ZNF718: variants seen among roughly 807,000 people sequenced by gnomAD.
ZNF718 encodes the protein zinc finger protein 718.
ZNF718 carries 3 observed loss-of-function variants against 2.6 expected under a neutral mutation model. The observed-to-expected ratio is 1.16, with a 90% confidence interval of 0.53 to 3.01. The LOEUF (loss-of-function observed/expected upper bound fraction) is 3.01, where lower values mean the gene tolerates loss of function less well. ZNF718 is among the 30% of genes most tolerant of loss of function. The probability of loss-of-function intolerance (pLI) is 0.03; values close to 1 mark genes in which losing one functional copy is unlikely to be tolerated. For synonymous variants in ZNF718, 135 were observed against 77.9 expected (o/e 1.73, Z -3.86); for missense variants, 468 against 230.0 (o/e 2.03, Z -6.69).
intron 3 of ZNF718, among the ~76,000 whole-genome samples, chr4:173,205 G>A (rs1218251356): frequency 5.3e-5 from 8 of 150,668 alleles, no homozygotes; most frequent in African/African-American, 1.2e-4. Context: ...CAGCAACTCC[G>A]TACTTACAGC....
chr4:128,967 A>G (rs1715295900), intron 1 of ZNF718, among the ~76,000 whole-genome samples: 1 of 104,996 alleles, frequency 9.5e-6, no homozygotes, highest in Non-Finnish European at 2.1e-5. Context: ...AGTCTAGAGC[A>G]CATGAATAAA....
chr4:179,057 C>A (rs1717405082), intron 3 of ZNF718, among the ~76,000 whole-genome samples: 1 of 152,080 alleles, frequency 6.6e-6, no homozygotes, highest in Non-Finnish European at 1.5e-5. Flanking sequence ...AAAATATTTT[C>A]TTTGCATGCT....
chr4:160,511 G>A (rs1716775027), intron 3 of ZNF718, among the ~76,000 whole-genome samples: 1 of 152,092 alleles, frequency 6.6e-6, no homozygotes, highest in African/African-American at 2.4e-5. Context: ...TATTAGATTT[G>A]TAATTGTATT....
At chr4:128,531 CAG>C (rs1281485246) in intron 1 of ZNF718, among the ~76,000 whole-genome samples, 1 of 102,626 alleles carries the variant, frequency 9.7e-6, no homozygotes, top group Non-Finnish European at 2.2e-5. Flanking sequence ...TGATCAGGGA[CAG>C]GGGATATCAC....
At chr4:144,928 G>A (rs1402940120) in intron 3 of ZNF718, among the ~76,000 whole-genome samples, 1 of 151,442 alleles carries the variant, frequency 6.6e-6, no homozygotes, top group Non-Finnish European at 1.5e-5. Flanking sequence ...CATATGCAAA[G>A]TTTTTTTTGT....
intron 3 of ZNF718, among the ~76,000 whole-genome samples, chr4:148,681 G>A (rs1041948767): frequency 6.6e-6 from 1 of 151,740 alleles, no homozygotes; most frequent in East Asian, 1.9e-4. Flanking sequence ...GGGCACAGAT[G>A]GATGTTTCTG....
At chr4:133,920 G>T (rs1553808820) in intron 3 of ZNF718, among the ~76,000 whole-genome samples, 2 of 152,132 alleles carry the variant, frequency 1.3e-5, no homozygotes, top group Non-Finnish European at 2.9e-5. Flanking sequence ...TTTTTTTGTA[G>T]TAAGAACACT....
chr4:200,247 T>TTTGTTTG (rs1560135416), intron 3 of ZNF718, among the ~76,000 whole-genome samples: 2 of 152,132 alleles, frequency 1.3e-5, no homozygotes, highest in Non-Finnish European at 2.9e-5. Flanking sequence ...AGGTTTTTTT[T>TTTGTTTG]TTTGTTTGTT....
intron 3 of ZNF718, among the ~76,000 whole-genome samples, chr4:189,777 G>A (rs1257437745): frequency 6.6e-6 from 1 of 152,116 alleles, no homozygotes; most frequent in African/African-American, 2.4e-5. Context: ...ATGCTTTCTA[G>A]CAGGTCTTAG....
At chr4:187,008 T>C (rs896362888) in intron 3 of ZNF718, among the ~76,000 whole-genome samples, 1 of 152,214 alleles carries the variant, frequency 6.6e-6, no homozygotes, top group Non-Finnish European at 1.5e-5. Flanking sequence ...GTTTTCATCA[T>C]GTTTGTGCCA....
chr4:174,517 A>G (rs1161105874), intron 3 of ZNF718, among the ~76,000 whole-genome samples: 1 of 152,174 alleles, frequency 6.6e-6, no homozygotes, highest in African/African-American at 2.4e-5. Context: ...ATTTTTGTCA[A>G]GTTTGTAAAG....
Position 130,697 on chromosome 4 carries a change from G to A in ZNF718, c.4-91G>A, listed in dbSNP as rs1448757741. ...GTGAAGTTTGCAGTGAGCTGAGACCGTACCACTGCACTCCAGCCTGGGCAA... is the reference window on the plus strand; with the variant it reads ...GTGAAGTTTGCAGTGAGCTGAGACCATACCACTGCACTCCAGCCTGGGCAA... On this transcript the variant is annotated intron_variant, in intron 1 of 3. Transcript: ENST00000510175. 23 of 190,090 alleles carry A rather than the reference G, an allele frequency of 1.2e-4. 7 individuals are homozygous for A. The highest frequency in any genetic ancestry group is 7.0e-4 in the African/African-American group (22 of 31,384). The allele number at this position is 190,090 out of a possible 1,614,324, so 11.8% of individuals were successfully genotyped here.
chr4:189,328 G>A (rs1408487771), intron 3 of ZNF718, among the ~76,000 whole-genome samples: 1 of 151,696 alleles, frequency 6.6e-6, no homozygotes, highest in Non-Finnish European at 1.5e-5. Flanking sequence ...ATTTCTTTCA[G>A]CATTTTAAAT....
rs547789625 is a variant in ZNF718 at position 176,271 on chromosome 4, C to T, written c.227-24810C>T. ...ACAAGAATGGGCAACTACTCAAGCC[C>T]AACTTAGTTTCACTTACCATTGGGA... On this transcript the variant is annotated intron_variant and NMD_transcript_variant, in intron 3 of 4. Transcript: ENST00000642529. 3.9e-5 allele frequency among the ~76,000 whole-genome samples: 6 copies of T among 152,244 alleles called. No individual in the cohort carries two copies. In the East Asian group the frequency reaches 1.2e-3, roughly 29 times the overall value.
rs1308089226 is a variant in ZNF718 at position 162,711 on chromosome 4, A to G, written c.*589A>G. On this transcript the variant is annotated 3_prime_UTR_variant, in exon 4 of 4. Transcript: ENST00000510175. ...GAAGCAGTTGCCCAAACTTTCTTTG[A>G]CATTAGAGAATTTATATTGGAAAGA... 6.6e-6 allele frequency: 1 copy of G among 152,214 alleles called. No homozygotes were observed. Among genetic ancestry groups the G allele is most frequent in the Non-Finnish European group, 1.5e-5 (1 of 68,026 alleles). 9.4% of individuals were successfully genotyped at this position (152,214 alleles called of 1,614,324 possible).
chr4:186,083 A>C (rs554891797), intron 3 of ZNF718, among the ~76,000 whole-genome samples: 149 of 152,156 alleles, frequency 9.8e-4, no homozygotes, highest in Non-Finnish European at 1.1e-3. Context: ...TGGTTGCTTC[A>C]TAGTGTCACT....
chr4:178,450 T>C (rs1022839704), intron 3 of ZNF718, among the ~76,000 whole-genome samples: 8 of 152,166 alleles, frequency 5.3e-5, no homozygotes, highest in African/African-American at 9.7e-5. Flanking sequence ...TATTTGATTT[T>C]TAATATCTTG....
intron 3 of ZNF718, among the ~76,000 whole-genome samples, chr4:190,111 C>T (rs1560132745): frequency 1.3e-5 from 2 of 152,004 alleles, no homozygotes; most frequent in Non-Finnish European, 2.9e-5. Context: ...CACAGTACTC[C>T]TGGCTAATAG....
At chr4:126,110 C>CT (rs1715204485) in intron 1 of ZNF718, among the ~76,000 whole-genome samples, 1 of 152,184 alleles carries the variant, frequency 6.6e-6, no homozygotes, top group Non-Finnish European at 1.5e-5. Flanking sequence ...TCCTTGCTGT[C>CT]TTGTGCTTTT....
Sources: allele counts gnomAD v4.1 joint callset (sites outside exome capture counted in the v4.1 genomes callset), GRCh38; gene constraint gnomAD v4.1.1; transcripts MANE v1.5; gene names NCBI Gene and HGNC (gene_info 2026-07-23, HGNC 2026-07-21).